Variants in ZC3H7A observed in about 807,000 individuals in gnomAD.
ZC3H7A encodes the protein zinc finger CCCH domain-containing protein 7A.
A neutral mutation model predicts 125.5 loss-of-function variants in ZC3H7A; 44 were observed. The ratio of observed to expected loss-of-function variants is 0.35; its 90% CI spans 0.28 to 0.45. ZC3H7A has a LOEUF of 0.45. ZC3H7A is among the 20% of genes least tolerant of loss of function. The pLI, the probability that ZC3H7A is intolerant of heterozygous loss-of-function variation, is 1.00. For missense variants in ZC3H7A, 977 were observed against 1,170.7 expected (o/e 0.83, Z 2.41); for synonymous variants, 399 against 391.2 (o/e 1.02, Z -0.23).
At chr16:11,786,752 G>T (rs1046435471) in intron 1 of ZC3H7A, among the ~76,000 whole-genome samples, 1 of 152,086 alleles carries the variant, frequency 6.6e-6, no homozygotes, top group African/African-American at 2.4e-5. Context: ...TATTTTGAAA[G>T]TTCTCAAACA....
intron 2 of ZC3H7A, 147 bp downstream of exon 2, chr16:11,782,139 GA>G (rs889262529): frequency 2.6e-5 from 23 of 871,856 alleles, no homozygotes; most frequent in Non-Finnish European, 3.9e-5. Flanking sequence ...ATGGACAAAA[GA>G]AAAAAATATT....
intron 16 of ZC3H7A, 99 bp downstream of exon 16, chr16:11,763,379 G>T: frequency 8.0e-7 from 1 of 1,254,990 alleles, no homozygotes; most frequent in African/African-American, 1.5e-5. Flanking sequence ...AAAGTAGTGG[G>T]ATTACAGGCA....
intron 1 of ZC3H7A, among the ~76,000 whole-genome samples, chr16:11,793,787 T>C (rs1409145997): frequency 1.3e-5 from 2 of 152,208 alleles, no homozygotes; most frequent in Non-Finnish European, 2.9e-5. Context: ...TTGTTGAAGC[T>C]CCTATTGGAT....
Position 11,776,509 on chromosome 16 carries a change from A to G in ZC3H7A, c.489T>C (p.Thr163=), listed in dbSNP as rs2053082587. The G allele has an allele frequency of 6.2e-7, 1 of 1,611,210 alleles. No homozygotes were observed. Among genetic ancestry groups the G allele is most frequent in the Admixed American group, 1.7e-5 (1 of 59,468 alleles). Residue 163 remains threonine, a synonymous_variant, in exon 6 of 23, where the codon ACT becomes ACC. Transcript: ENST00000355758. ...ATCCCAATTTCTGAGCTAGTTCTTG[A>G]GTTAGTTTTATTACATGCTCATCCT... ...VPQDEHVIKL[T]QELAQKLGFK... is the part of the protein sequence containing the mutation.
chr16:11,770,078 C>T (rs556030209), intron 10 of ZC3H7A, among the ~76,000 whole-genome samples: 2 of 152,062 alleles, frequency 1.3e-5, no homozygotes, highest in African/African-American at 4.8e-5. Flanking sequence ...TGAGCCACCA[C>T]ACCCAGCCTA....
chr16:11,794,708 C>G (rs989945484), intron 1 of ZC3H7A, among the ~76,000 whole-genome samples: 1 of 152,200 alleles, frequency 6.6e-6, no homozygotes, highest in Non-Finnish European at 1.5e-5. Flanking sequence ...AACTTTCCAA[C>G]AGTCACTCTC....
chr16:11,778,202 T>C lies in ZC3H7A; in HGVS notation c.306+964A>G, dbSNP rs188948386. ...CTGTAATCCTAGCACTTTGGGAGGC[T>C]GAGGCGGGCAGATTGCCTGAATTCA... On this transcript the variant is annotated intron_variant, in intron 4 of 22. Coordinates refer to ENST00000355758, the MANE Select transcript of ZC3H7A (RefSeq NM_014153.4). 4.2e-3 allele frequency among the ~76,000 whole-genome samples: 639 copies of C among 151,994 alleles called. 7 individuals carry two copies. The highest frequency in any genetic ancestry group is 6.5e-3 in the Admixed American group (99 of 15,272).
chr16:11,793,384 A>G (rs2053382832), intron 1 of ZC3H7A, among the ~76,000 whole-genome samples: 1 of 152,074 alleles, frequency 6.6e-6, no homozygotes, highest in African/African-American at 2.4e-5. Context: ...TGTTTAAAAA[A>G]TTAAATGGGC....
chr16:11,765,473 G>A lies in ZC3H7A; in HGVS notation c.1719+16C>T, dbSNP rs773552718. 3 of 1,599,310 alleles carry A rather than the reference G, an allele frequency of 1.9e-6. No individual in the cohort carries two copies. Among genetic ancestry groups the A allele is most frequent in the Non-Finnish European group, 2.6e-6 (3 of 1,171,186 alleles). Reference sequence around the variant, plus strand: ...AATTCAACTTTACAGTGGAAAATAAGTTTTGGAGAACACACCTCACAAAGG... The same window carrying A: ...AATTCAACTTTACAGTGGAAAATAAATTTTGGAGAACACACCTCACAAAGG... On this transcript the variant is annotated intron_variant, in intron 14 of 22. Transcript: ENST00000355758. The surrounding 1 kb of genome is among the most constrained non-coding windows in gnomAD (Gnocchi z 4.8).
At chr16:11,758,338 C>T (rs2052687542) in intron 20 of ZC3H7A, 93 bp downstream of exon 20, 6 of 937,476 alleles carry the variant, frequency 6.4e-6, no homozygotes, top group Non-Finnish European at 8.5e-6. Flanking sequence ...ATGCAAACTG[C>T]TTTCTGTGTT....
Position 11,775,003 on chromosome 16 carries a change from T to A in ZC3H7A, c.596A>T (p.His199Leu). The change falls in exon 8 of 23, where the codon CAT becomes CTT. Residue 199 changes from histidine to leucine, a missense_variant. Around this residue, in one of 3 missense-constraint regions of ZC3H7A, gnomAD observed 199 missense variants for 256.1 expected, o/e 0.78. Transcript: ENST00000355758. ...ACCTGGCTCAATATCTTCCACAGAA[T>A]GGTTCAAAGCCTAGAAATTAAACCA... Reference protein sequence around the residue: ...PGDGATKALNHSVEDIEPDLL... With the variant: ...PGDGATKALNLSVEDIEPDLL... The A allele has an allele frequency of 6.2e-7, 1 of 1,614,176 alleles. No individual in the cohort carries two copies.
chr16:11,782,307 C>T lies in ZC3H7A; in HGVS notation c.48G>A (p.Lys16=), dbSNP rs374464736. ...CTTACTGTATAAACTGCAGTCCTTC[C>T]TTAATGTTCTGCTGCCTTTTTCTTC... ...EERRKRQQNI[K]EGLQFIQSPL... The change falls in exon 2 of 23, where the codon AAG becomes AAA. Residue 16 remains lysine, a synonymous_variant. Transcript: ENST00000355758. The T allele has an allele frequency of 2.0e-5, 32 of 1,614,194 alleles. No individual in the cohort carries two copies. The African/African-American group carries it at 4.0e-4, about 20-fold the overall frequency.
intron 15 of ZC3H7A, among the ~76,000 whole-genome samples, chr16:11,764,105 A>T (rs572107249): frequency 5.9e-4 from 90 of 152,056 alleles, no homozygotes; most frequent in African/African-American, 2.1e-3. Context: ...TACATTTTAA[A>T]TTTTTATCGG....
intron 10 of ZC3H7A, among the ~76,000 whole-genome samples, chr16:11,769,784 C>CTTTTTTTTTCTTTTTT (rs2052943847): frequency 1.6e-5 from 1 of 61,608 alleles, no homozygotes. Flanking sequence ...CAATTGCTTT[C>CTTTTTTTTTCTTTTTT]TTTTTTTTTT....
chr16:11,790,005 C>G (rs993397110), intron 1 of ZC3H7A, among the ~76,000 whole-genome samples: 3 of 147,250 alleles, frequency 2.0e-5, no homozygotes, highest in Admixed American at 6.9e-5. Flanking sequence ...AGCTAGAACC[C>G]GGGAGGTGCA....
At chr16:11,759,131 C>T (rs898699809) in intron 19 of ZC3H7A, 7 of 152,122 alleles carry the variant, frequency 4.6e-5, no homozygotes, top group African/African-American at 1.7e-4. Context: ...TTTTATTTAA[C>T]AAAGTAAATA....
At chr16:11,785,842 A>G (rs929268117) in intron 1 of ZC3H7A, among the ~76,000 whole-genome samples, 22 of 152,132 alleles carry the variant, frequency 1.4e-4, no homozygotes, top group African/African-American at 4.8e-4. Context: ...GATGGTCTCG[A>G]TCTCCTGACC....
intron 20 of ZC3H7A, among the ~76,000 whole-genome samples, chr16:11,757,458 T>G (rs1270765486): frequency 8.3e-6 from 1 of 120,226 alleles, no homozygotes; most frequent in Non-Finnish European, 1.6e-5. Flanking sequence ...CACTCCAGCC[T>G]GGGTGACAAA....
At chr16:11,797,076 C>CGCGGGGGGG (rs1193251386) in intron 1 of ZC3H7A, 48 bp downstream of exon 1, 1 of 144,112 alleles carries the variant, frequency 6.9e-6, no homozygotes, top group African/African-American at 2.6e-5. Flanking sequence ...GGCGGGGGCG[C>CGCGGGGGGG]GGGCGCGCGC....
Sources: gnomAD v4.1 joint callset for allele counts (sites outside exome capture counted in the v4.1 genomes callset) on GRCh38, gnomAD v4.1.1 for gene constraint, gnomAD v4.1.1 regional missense constraint, Gnocchi (gnomAD v3.1) non-coding constraint, MANE v1.5 for transcripts, NCBI Gene and HGNC (gene_info 2026-07-23, HGNC 2026-07-21) for gene names.